The following NTRK1 variants were observed in gnomAD, a reference collection of about 807,000 sequenced individuals.
The protein encoded by NTRK1 is high affinity nerve growth factor receptor.
NTRK1 carries 62 observed loss-of-function variants against 86.8 expected under a neutral mutation model. The ratio of observed to expected loss-of-function variants is 0.71; its 90% CI spans 0.58 to 0.88. The LOEUF (loss-of-function observed/expected upper bound fraction) is 0.88. NTRK1 is among the 40% of genes least tolerant of loss of function. NTRK1 has a pLI of 0.00. For synonymous variants in NTRK1, 469 were observed against 456.6 expected, an observed-to-expected ratio of 1.03 and a Z score of -0.35; for missense variants, 967 against 1,078.4, an observed-to-expected ratio of 0.90 and a Z score of 1.45.
intron 8 of NTRK1, chr1:156,874,174 A>G (rs2102907694): frequency 2.2e-6 from 2 of 905,674 alleles, no homozygotes; most frequent in Non-Finnish European, 3.5e-6. Flanking sequence ...CGGCTGGCTG[A>G]GGAGACAGCC....
intron 2 of NTRK1, chr1:156,849,560 C>T (rs182289809): frequency 6.2e-5 from 53 of 859,552 alleles, no homozygotes; most frequent in Non-Finnish European, 9.0e-5. Flanking sequence ...TTGCTGGGCC[C>T]GGGGAGAGGG....
chr1:156,824,822 T>G (rs929854162), intron 1 of NTRK1, among the ~76,000 whole-genome samples: 2 of 152,188 alleles, frequency 1.3e-5, no homozygotes, highest in Non-Finnish European at 2.9e-5. Context: ...CCAACACCAC[T>G]GGACATGCTG....
chr1:156,880,234 G>A (rs1356469754), intron 16 of NTRK1, 77 bp downstream of exon 16: 23 of 1,522,114 alleles, frequency 1.5e-5, no homozygotes, highest in Admixed American at 8.4e-5. Flanking sequence ...CAGGGAACTC[G>A]GTTCCCCTTC....
intron 2 of NTRK1, chr1:156,844,402 G>C: frequency 6.3e-7 from 1 of 1,584,344 alleles, no homozygotes; most frequent in African/African-American, 1.3e-5. Context: ...GGCCTGTGGT[G>C]GGCTGGGGAC....
intron 1 of NTRK1, among the ~76,000 whole-genome samples, chr1:156,836,637 G>T (rs1654605753): frequency 6.6e-6 from 1 of 152,146 alleles, no homozygotes; most frequent in African/African-American, 2.4e-5. Context: ...TTCATGGTGG[G>T]AGTGCTGAAG....
chr1:156,845,254 C>CA lies in NTRK1; in HGVS notation c.50+3062dup, dbSNP rs762515390. ...TCTCGAAATCCGAGCTGTTGCCCCCCAGCCGGAGGGGCCCAGCTGCCCGGC... is the reference window on the plus strand; with the variant it reads ...TCTCGAAATCCGAGCTGTTGCCCCCCAAGCCGGAGGGGCCCAGCTGCCCGGC... On this transcript the variant is annotated intron_variant, in intron 2 of 16. Coordinates refer to the NTRK1 transcript ENST00000392302. The CA allele has an allele frequency of 1.9e-6, 3 of 1,611,598 alleles. No homozygotes were observed. The African/African-American group carries it at 4.0e-5, about 21-fold the overall frequency.
chr1:156,873,905 A>C lies in NTRK1; in HGVS notation c.1123A>C (p.Met375Leu), dbSNP rs1235371618. The part of the protein sequence containing the change: ...NPFGQASASI[M>L]AAFMDNPFEF... ...CTTCGGCCAGGCCTCCGCCTCCATC[A>C]TGGCTGCCTTCATGGACAACCCTTT... Residue 375 changes from methionine to leucine, a missense_variant, in exon 8 of 17, where the codon ATG becomes CTG. Met to Leu is a conservative substitution (Grantham distance 15). This residue lies in a region of NTRK1 where 637 missense variants were observed against 776.5 expected (regional missense o/e 0.82). Transcript: ENST00000524377. 6.4e-7 allele frequency: 1 copy of C among 1,571,342 alleles called. No individual in the cohort carries two copies. The highest frequency in any genetic ancestry group is 8.6e-7 in the Non-Finnish European group (1 of 1,157,446).
chr1:156,880,231 C>T (rs1648178424), intron 16 of NTRK1, 74 bp downstream of exon 16: 3 of 1,541,914 alleles, frequency 1.9e-6, no homozygotes, highest in African/African-American at 2.7e-5. Flanking sequence ...TTTCAGGGAA[C>T]TCGGTTCCCC....
intron 2 of NTRK1, chr1:156,851,297 C>G: frequency 1.9e-6 from 3 of 1,614,012 alleles, no homozygotes; most frequent in Non-Finnish European, 8.5e-7. Flanking sequence ...TACCCATCCA[C>G]CATGGCGTCT....
chr1:156,868,567 C>T lies in NTRK1; in HGVS notation c.637C>T (p.Leu213=). Residue 213 remains leucine, a synonymous_variant, in exon 6 of 17, where the codon CTG becomes TTG. Transcript: ENST00000524377. ...GGTGGATGTGGGGGACGACGTGCTG[C>T]TGCGGTGCCAGGTGGAGGGGCGGGG... is the stretch of plus-strand genomic sequence containing the variant. ...ASVDVGDDVL[L]RCQVEGRGLE... 6.4e-7 allele frequency: 1 copy of T among 1,555,266 alleles called. No individual in the cohort carries two copies. Among genetic ancestry groups the T allele is most frequent in the Non-Finnish European group, 8.7e-7 (1 of 1,149,054 alleles).
chr1:156,875,151 C>T lies in NTRK1; in HGVS notation c.1354+143C>T, dbSNP rs2102913233. Reference sequence around the variant, plus strand: ...GTGTGTTTGGGGTATAAATGAAGGCCTGGCTGTGAGGCTTGTGAGTGTGAG... The same window carrying T: ...GTGTGTTTGGGGTATAAATGAAGGCTTGGCTGTGAGGCTTGTGAGTGTGAG... On this transcript the variant is annotated intron_variant, in intron 11 of 16. Coordinates refer to ENST00000524377, the MANE Select transcript of NTRK1 (RefSeq NM_002529.4). 3 of 718,688 alleles carry T rather than the reference C, an allele frequency of 4.2e-6. No individual in the cohort carries two copies. The Admixed American group carries it at 6.1e-5, about 14-fold the overall frequency. The allele number at this position is 718,688 out of a possible 1,614,324, so 44.5% of individuals were successfully genotyped here. A position where few individuals can be genotyped will look rare whatever the true frequency, so the allele number is the denominator to read the frequency against.
intron 1 of NTRK1, chr1:156,841,375 G>A: frequency 1.2e-6 from 2 of 1,611,690 alleles, no homozygotes; most frequent in Non-Finnish European, 1.7e-6. Flanking sequence ...ATGAGGAAGG[G>A]GCAGGGGAGG....
intron 1 of NTRK1, among the ~76,000 whole-genome samples, chr1:156,821,487 GTGTGTGTA>G (rs1345313601): frequency 5.9e-5 from 9 of 151,606 alleles, no homozygotes; most frequent in African/African-American, 2.2e-4. Context: ...GTGTGTGTGT[GTGTGTGTA>G]TGTGTAGGGG....
intron 3 of NTRK1, among the ~76,000 whole-genome samples, chr1:156,866,585 G>A (rs1655942121): frequency 6.6e-6 from 1 of 152,180 alleles, no homozygotes; most frequent in African/African-American, 2.4e-5. Context: ...CCCAGCTGTG[G>A]CCTCAGCACT....
chr1:156,876,266 A>G (rs2102918258), intron 13 of NTRK1, 56 bp downstream of exon 13: 1 of 1,612,544 alleles, frequency 6.2e-7, no homozygotes, highest in Non-Finnish European at 8.5e-7. Context: ...CAGGAGCTCC[A>G]TCACATCAGG....
chr1:156,851,515 G>A (rs1457595049), intron 2 of NTRK1: 4 of 1,599,300 alleles, frequency 2.5e-6, no homozygotes, highest in South Asian at 1.1e-5. Context: ...TGGGGGCCCC[G>A]GGAAGGTGGG....
At chr1:156,845,069 C>CTAGGTG in intron 2 of NTRK1, 2 of 1,600,834 alleles carry the variant, frequency 1.2e-6, no homozygotes, top group Non-Finnish European at 1.7e-6. Flanking sequence ...GTGTGTGGAT[C>CTAGGTG]ACCTACTGTG....
At chr1:156,869,556 C>G (rs1208074699) in intron 6 of NTRK1, among the ~76,000 whole-genome samples, 1 of 152,104 alleles carries the variant, frequency 6.6e-6, no homozygotes, top group Non-Finnish European at 1.5e-5. Flanking sequence ...GGCTCCAGCT[C>G]TCTCACTAAT....
chr1:156,840,431 C>A, intron 1 of NTRK1: 1 of 140,998 alleles, frequency 7.1e-6, no homozygotes, highest in Non-Finnish European at 1.5e-5. Context: ...CATGTGGAGC[C>A]CCACCCCCCT....
Sources: allele counts gnomAD v4.1 joint callset (sites outside exome capture counted in the v4.1 genomes callset), GRCh38; gene constraint gnomAD v4.1.1; regional missense constraint gnomAD v4.1.1; transcripts MANE v1.5; gene names NCBI Gene and HGNC (gene_info 2026-07-23, HGNC 2026-07-21).